The following TBC1D1 variants were observed in gnomAD, a reference collection of about 807,000 sequenced individuals.
The protein encoded by TBC1D1 is TBC1 domain family member 1.
Under a neutral mutation model 125.6 loss-of-function variants are expected in TBC1D1, and 89 were observed. The ratio of observed to expected loss-of-function variants is 0.71; its 90% confidence interval spans 0.60 to 0.85. TBC1D1 has a LOEUF of 0.85. Ranked by LOEUF, TBC1D1 falls within the 40% of genes least tolerant of loss-of-function variation. The pLI, the probability that TBC1D1 is intolerant of heterozygous loss-of-function variation, is 0.00. For missense variants in TBC1D1, 1,377 were observed against 1,469.2 expected (o/e 0.94, Z 1.03); for synonymous variants, 565 against 564.1 (o/e 1.00, Z -0.02).
intron 2 of TBC1D1, among the ~76,000 whole-genome samples, chr4:37,997,383 G>C (rs941147646): frequency 1.2e-4 from 19 of 152,266 alleles, no homozygotes; most frequent in Middle Eastern, 3.4e-3. Context: ...AGGCTTTTGT[G>C]TGTTATGTCG....
intron 3 of TBC1D1, among the ~76,000 whole-genome samples, chr4:38,017,086 C>A (rs1742906014): frequency 6.6e-6 from 1 of 152,190 alleles, no homozygotes; most frequent in African/African-American, 2.4e-5. Flanking sequence ...TCAGGAGCCC[C>A]ACCCAACTTT....
At chr4:37,920,370 T>C (rs931777703) in intron 2 of TBC1D1, among the ~76,000 whole-genome samples, 1 of 152,082 alleles carries the variant, frequency 6.6e-6, no homozygotes, top group Admixed American at 6.5e-5. Context: ...AAAACCACCT[T>C]GGAGCCAAAT....
At chr4:37,987,207 T>G (rs994483008) in intron 2 of TBC1D1, among the ~76,000 whole-genome samples, 4 of 152,202 alleles carry the variant, frequency 2.6e-5, no homozygotes, top group Admixed American at 6.5e-5. Flanking sequence ...GAACTTTATA[T>G]GTGCCAGCCA....
At chr4:37,915,808 C>T (rs1719609389) in intron 2 of TBC1D1, among the ~76,000 whole-genome samples, 1 of 152,182 alleles carries the variant, frequency 6.6e-6, no homozygotes, top group South Asian at 2.1e-4. Flanking sequence ...TTAGAAGCCA[C>T]CCCTCTCTCC....
intron 8 of TBC1D1, 42 bp downstream of exon 8, chr4:38,035,740 C>A: frequency 1.4e-6 from 2 of 1,425,486 alleles, no homozygotes; most frequent in Non-Finnish European, 2.0e-6. Flanking sequence ...CAAGTCTCTG[C>A]CAAGTCTCTG....
At chr4:38,023,988 TTTTTG>T (rs1213929238) in intron 6 of TBC1D1, among the ~76,000 whole-genome samples, 2 of 152,254 alleles carry the variant, frequency 1.3e-5, no homozygotes, top group African/African-American at 4.8e-5. Context: ...CTACTTTCTG[TTTTTG>T]TTTTGTTTTG....
At chr4:37,894,565 A>G (rs1356320204) in intron 1 of TBC1D1, among the ~76,000 whole-genome samples, 1 of 152,208 alleles carries the variant, frequency 6.6e-6, no homozygotes, top group Non-Finnish European at 1.5e-5. Flanking sequence ...TTATCAGCAC[A>G]TTTTATATAA....
At chr4:38,090,207 TACAGCAGCACGATAG>T in intron 13 of TBC1D1, 90 bp downstream of exon 15, 4 of 1,264,198 alleles carry the variant, frequency 3.2e-6, no homozygotes, top group Non-Finnish European at 4.5e-6. Flanking sequence ...GTCTTAAAAA[TACAGCAGCACGATAG>T]TCTAATGTAT....
At chr4:37,955,379 A>T (rs1728732211) in intron 2 of TBC1D1, among the ~76,000 whole-genome samples, 1 of 152,142 alleles carries the variant, frequency 6.6e-6, no homozygotes, top group Admixed American at 6.6e-5. Context: ...ACCCCTGTGG[A>T]TACCAAAATC....
chr4:38,132,938 C>G (rs1765836731), intron 18 of TBC1D1, 146 bp from the exon 21 acceptor site: 1 of 480,114 alleles, frequency 2.1e-6, no homozygotes, highest in African/African-American at 2.0e-5. Flanking sequence ...CGTAGTTTTT[C>G]TTATTTATTA....
At chr4:37,966,483 T>G (rs1731088030) in intron 2 of TBC1D1, among the ~76,000 whole-genome samples, 1 of 152,240 alleles carries the variant, frequency 6.6e-6, no homozygotes, top group Admixed American at 6.5e-5. Flanking sequence ...ATTTCCTTCT[T>G]ATATTTTCTC....
At chr4:38,031,379 A>C (rs191246572) in intron 7 of TBC1D1, among the ~76,000 whole-genome samples, 1 of 152,230 alleles carries the variant, frequency 6.6e-6, no homozygotes, top group African/African-American at 2.4e-5. Flanking sequence ...TCTGAAGAAT[A>C]TATATCAGCT....
chr4:37,925,719 A>G (rs906182008), intron 2 of TBC1D1, among the ~76,000 whole-genome samples: 1 of 150,770 alleles, frequency 6.6e-6, no homozygotes. Flanking sequence ...AGAAAAATAC[A>G]TAATCATTGC....
At chr4:37,906,416 G>A (rs1340350957) in intron 2 of TBC1D1, among the ~76,000 whole-genome samples, 2 of 152,144 alleles carry the variant, frequency 1.3e-5, no homozygotes, top group African/African-American at 4.8e-5. Flanking sequence ...CCAAAGTGCT[G>A]GGATTATAAA....
At chr4:38,020,006 TCAAA>T (rs1420515694) in intron 4 of TBC1D1, among the ~76,000 whole-genome samples, 1 of 152,190 alleles carries the variant, frequency 6.6e-6, no homozygotes, top group Non-Finnish European at 1.5e-5. Flanking sequence ...TACCTATGTC[TCAAA>T]CAAAACAACA....
chr4:37,915,759 A>T (rs1719599651), intron 2 of TBC1D1, among the ~76,000 whole-genome samples: 1 of 152,040 alleles, frequency 6.6e-6, no homozygotes. Context: ...TTCCTCCTTC[A>T]TCAGGACAGA....
At chr4:38,071,640 A>C (rs941795463) in intron 12 of TBC1D1, among the ~76,000 whole-genome samples, 1 of 152,158 alleles carries the variant, frequency 6.6e-6, no homozygotes, top group Non-Finnish European at 1.5e-5. Context: ...TTCCTGCCTC[A>C]TGCCGTTGCT....
chr4:37,944,793 G>A (rs1462464370), intron 2 of TBC1D1, among the ~76,000 whole-genome samples: 4 of 152,168 alleles, frequency 2.6e-5, no homozygotes, highest in East Asian at 1.9e-4. Context: ...CAGGTGAGGC[G>A]ATGCCTCGCC....
At chr4:37,967,661 A>C (rs2152341005) in intron 2 of TBC1D1, among the ~76,000 whole-genome samples, 2 of 152,308 alleles carry the variant, frequency 1.3e-5, no homozygotes, top group East Asian at 3.9e-4. Context: ...AGATTTGATC[A>C]GGAAATAGGA....
Sources: allele counts gnomAD v4.1 joint callset (sites outside exome capture counted in the v4.1 genomes callset), GRCh38; gene constraint gnomAD v4.1.1; transcripts MANE v1.5; gene names NCBI Gene and HGNC (gene_info 2026-07-23, HGNC 2026-07-21).